Variants in GALNTL6 observed in about 807,000 individuals in gnomAD.
The protein encoded by GALNTL6 is polypeptide N-acetylgalactosaminyltransferase-like 6.
In GALNTL6, 46 loss-of-function variants were observed where a neutral mutation model predicts 73.7. That is an observed-to-expected ratio of 0.62 (90% CI 0.49 to 0.80). GALNTL6 has a LOEUF of 0.80. Among genes scored for constraint, GALNTL6 ranks in the 30% least tolerant of loss-of-function variants. The probability of loss-of-function intolerance (pLI) is 0.00; values close to 1 mark genes in which losing one functional copy is unlikely to be tolerated. For missense variants in GALNTL6, 604 were observed against 755.0 expected (o/e 0.80, Z 2.34); for synonymous variants, 259 against 263.7 (o/e 0.98, Z 0.17).
chr4:172,800,416 G>C (rs1246931908), intron 5 of GALNTL6, among the ~76,000 whole-genome samples: 1 of 152,078 alleles, frequency 6.6e-6, no homozygotes, highest in African/African-American at 2.4e-5. Context: ...ACATTATGTG[G>C]TATATTCTCC....
At chr4:171,832,162 T>G (rs1327741291) in intron 2 of GALNTL6, among the ~76,000 whole-genome samples, 2 of 151,482 alleles carry the variant, frequency 1.3e-5, no homozygotes, top group Non-Finnish European at 3.0e-5. Flanking sequence ...AATGTAAAGA[T>G]TCTAATGAAA....
At chr4:172,208,087 T>C (rs757419901) in intron 2 of GALNTL6, among the ~76,000 whole-genome samples, 3 of 152,144 alleles carry the variant, frequency 2.0e-5, no homozygotes, top group Non-Finnish European at 2.9e-5. Flanking sequence ...CTTTGTGGAA[T>C]CCTTATTGAT....
intron 2 of GALNTL6, among the ~76,000 whole-genome samples, chr4:172,050,492 T>C (rs1730823979): frequency 6.6e-6 from 1 of 152,178 alleles, no homozygotes. Context: ...GAACTTTAGC[T>C]TGTGGCTCCT....
At chr4:172,876,726 G>C (rs1745215963) in intron 7 of GALNTL6, among the ~76,000 whole-genome samples, 1 of 152,130 alleles carries the variant, frequency 6.6e-6, no homozygotes. Flanking sequence ...TTATACAAAT[G>C]AATGTATCTG....
intron 2 of GALNTL6, among the ~76,000 whole-genome samples, chr4:171,829,005 T>A (rs1204052811): frequency 6.6e-6 from 1 of 152,178 alleles, no homozygotes; most frequent in Admixed American, 6.6e-5. Flanking sequence ...ATAATGCACA[T>A]AACATGCAAA....
intron 5 of GALNTL6, among the ~76,000 whole-genome samples, chr4:172,546,820 G>GTATATATATGTATATATACACA: frequency 1.4e-4 from 7 of 49,048 alleles, no homozygotes; most frequent in African/African-American, 6.8e-4. Flanking sequence ...ATATATATAC[G>GTATATATATGTATATATACACA]TATATGTATA....
At chr4:172,490,247 A>G (rs370287166) in intron 5 of GALNTL6, among the ~76,000 whole-genome samples, 1 of 152,210 alleles carries the variant, frequency 6.6e-6, no homozygotes, top group African/African-American at 2.4e-5. Flanking sequence ...TTGTGTTTAC[A>G]TATGTAGTTG....
intron 3 of GALNTL6, among the ~76,000 whole-genome samples, chr4:172,237,599 C>T (rs189595767): frequency 9.2e-5 from 14 of 152,152 alleles, no homozygotes; most frequent in East Asian, 1.9e-4. Flanking sequence ...TTGATTCAGT[C>T]GCATTTGTCA....
chr4:172,242,574 A>G (rs992025406), intron 3 of GALNTL6, among the ~76,000 whole-genome samples: 1 of 152,164 alleles, frequency 6.6e-6, no homozygotes, highest in Non-Finnish European at 1.5e-5. Flanking sequence ...TCATCTAATC[A>G]ATGTATGTAT....
chr4:172,910,269 G>A (rs1467455540), intron 8 of GALNTL6, among the ~76,000 whole-genome samples: 3 of 152,194 alleles, frequency 2.0e-5, no homozygotes, highest in African/African-American at 7.2e-5. Flanking sequence ...CTGCAGGAAT[G>A]ACAAGGTCTC....
At chr4:172,823,871 A>C (rs4696029) in intron 7 of GALNTL6, among the ~76,000 whole-genome samples, 1 of 151,990 alleles carries the variant, frequency 6.6e-6, no homozygotes, top group Non-Finnish European at 1.5e-5. Flanking sequence ...GGGGGCCAGG[A>C]GATGATATTG....
At chr4:172,706,393 A>C (rs1416705967) in intron 5 of GALNTL6, among the ~76,000 whole-genome samples, 1 of 152,086 alleles carries the variant, frequency 6.6e-6, no homozygotes, top group Non-Finnish European at 1.5e-5. Flanking sequence ...ATTTCCTTAC[A>C]CTGCTGGTTT....
intron 5 of GALNTL6, among the ~76,000 whole-genome samples, chr4:172,602,344 A>G (rs1199622462): frequency 6.6e-5 from 10 of 152,130 alleles, no homozygotes. Context: ...CATCTGTAAA[A>G]CAAAACTTTA....
At chr4:172,992,233 CAT>C (rs1751575367) in intron 10 of GALNTL6, among the ~76,000 whole-genome samples, 1 of 152,220 alleles carries the variant, frequency 6.6e-6, no homozygotes, top group Non-Finnish European at 1.5e-5. Flanking sequence ...GCTAAATCCA[CAT>C]GTCCTCAGGC....
chr4:172,700,993 A>T (rs1037971977), intron 5 of GALNTL6, among the ~76,000 whole-genome samples: 3 of 152,146 alleles, frequency 2.0e-5, no homozygotes, highest in Non-Finnish European at 4.4e-5. Flanking sequence ...CTGAGGCCTC[A>T]TGGAACGTGT....
intron 7 of GALNTL6, among the ~76,000 whole-genome samples, chr4:172,836,771 G>C (rs993371493): frequency 6.6e-6 from 1 of 152,136 alleles, no homozygotes; most frequent in African/African-American, 2.4e-5. Flanking sequence ...TGAGGTGTGA[G>C]TTTTAATTCC....
intron 3 of GALNTL6, among the ~76,000 whole-genome samples, chr4:172,249,477 A>T (rs1205082134): frequency 1.3e-5 from 2 of 152,196 alleles, no homozygotes; most frequent in Admixed American, 1.3e-4. Context: ...AGTAACAAGG[A>T]GCTGAATGTT....
At chr4:172,731,924 T>C (rs1052886075) in intron 5 of GALNTL6, among the ~76,000 whole-genome samples, 1 of 152,194 alleles carries the variant, frequency 6.6e-6, no homozygotes, top group African/African-American at 2.4e-5. Flanking sequence ...ATTTCTAGTT[T>C]TCAGAATTTG....
intron 3 of GALNTL6, among the ~76,000 whole-genome samples, chr4:172,234,803 C>T (rs1266982086): frequency 6.6e-6 from 1 of 152,026 alleles, no homozygotes; most frequent in Admixed American, 6.6e-5. Flanking sequence ...GTATAATGAG[C>T]TCATAAAATG....
Sources: allele counts gnomAD v4.1 joint callset (sites outside exome capture counted in the v4.1 genomes callset), GRCh38; gene constraint gnomAD v4.1.1; transcripts MANE v1.5; gene names NCBI Gene and HGNC (gene_info 2026-07-23, HGNC 2026-07-21).